SGCZ: variants seen among roughly 807,000 people sequenced by gnomAD.
SGCZ encodes zeta-sarcoglycan.
Under a neutral mutation model 41.3 loss-of-function variants are expected in SGCZ, and 40 were observed. The observed-to-expected ratio is 0.97, with a 90% CI of 0.75 to 1.26. SGCZ has a LOEUF of 1.26. Ranked by LOEUF, SGCZ falls within the 50% of genes most tolerant of loss-of-function variation. The pLI, the probability that SGCZ is intolerant of heterozygous loss-of-function variation, is 0.00. For missense variants in SGCZ, 552 were observed against 369.8 expected (o/e 1.49, Z -4.04); for synonymous variants, 206 against 137.5 (o/e 1.50, Z -3.49).
intron 3 of SGCZ, among the ~76,000 whole-genome samples, chr8:14,268,285 C>A (rs190525545): frequency 2.5e-4 from 38 of 149,332 alleles, no homozygotes; most frequent in African/African-American, 9.0e-4. Context: ...TCCCAGGATA[C>A]ATATACATAT....
chr8:14,944,907 C>T (rs1397027817), intron 1 of SGCZ, among the ~76,000 whole-genome samples: 1 of 152,124 alleles, frequency 6.6e-6, no homozygotes, highest in African/African-American at 2.4e-5. Flanking sequence ...CATTATAACA[C>T]TTCAGACATG....
At chr8:14,847,715 G>A (rs1330707134) in intron 1 of SGCZ, among the ~76,000 whole-genome samples, 1 of 114,382 alleles carries the variant, frequency 8.7e-6, no homozygotes, top group African/African-American at 3.3e-5. Context: ...GGGAGGGGAG[G>A]AGGAAAGGGA....
intron 1 of SGCZ, among the ~76,000 whole-genome samples, chr8:14,567,820 A>G (rs766484615): frequency 2.0e-5 from 3 of 152,132 alleles, no homozygotes; most frequent in Non-Finnish European, 4.4e-5. Context: ...CCACCTTAAG[A>G]GCTGTAACAC....
intron 2 of SGCZ, among the ~76,000 whole-genome samples, chr8:14,522,271 A>G (rs1017168177): frequency 6.6e-6 from 1 of 152,034 alleles, no homozygotes; most frequent in Non-Finnish European, 1.5e-5. Flanking sequence ...CAGGTTAATA[A>G]TAGTGTGTTC....
At chr8:14,141,274 A>C (rs1803361856) in intron 5 of SGCZ, among the ~76,000 whole-genome samples, 1 of 152,240 alleles carries the variant, frequency 6.6e-6, no homozygotes, top group African/African-American at 2.4e-5. Flanking sequence ...CTTCAGGACT[A>C]AAACACCAAA....
chr8:15,004,380 A>G (rs914278331), intron 1 of SGCZ, among the ~76,000 whole-genome samples: 1 of 152,154 alleles, frequency 6.6e-6, no homozygotes, highest in Non-Finnish European at 1.5e-5. Context: ...GGTGGATACT[A>G]GGTGGGGAAA....
At chr8:14,364,367 C>A (rs751500312) in intron 2 of SGCZ, among the ~76,000 whole-genome samples, 3 of 152,012 alleles carry the variant, frequency 2.0e-5, no homozygotes, top group Admixed American at 6.6e-5. Context: ...TTTTCTGGTC[C>A]ACATACATAT....
intron 1 of SGCZ, among the ~76,000 whole-genome samples, chr8:14,710,258 T>A (rs931460059): frequency 6.7e-6 from 1 of 149,992 alleles, no homozygotes; most frequent in East Asian, 2.0e-4. Context: ...TAGTCCCCAC[T>A]ACGCCGGAGG....
chr8:14,941,811 AAT>A (rs1174284095), intron 1 of SGCZ, among the ~76,000 whole-genome samples: 1 of 151,590 alleles, frequency 6.6e-6, no homozygotes, highest in African/African-American at 2.4e-5. Context: ...ATATATATGT[AAT>A]ATATGTTACA....
intron 1 of SGCZ, among the ~76,000 whole-genome samples, chr8:15,073,434 T>G (rs1039916774): frequency 6.6e-6 from 1 of 152,020 alleles, no homozygotes; most frequent in African/African-American, 2.4e-5. Context: ...AATTAATACA[T>G]AAGATTAATG....
intron 1 of SGCZ, among the ~76,000 whole-genome samples, chr8:15,092,557 G>A (rs530568994): frequency 2.6e-5 from 4 of 152,232 alleles, no homozygotes; most frequent in Admixed American, 2.6e-4. Context: ...TGTACAAGGA[G>A]AAAGAAAATA....
intron 1 of SGCZ, among the ~76,000 whole-genome samples, chr8:14,802,292 C>T (rs1289263444): frequency 6.6e-6 from 1 of 152,178 alleles, no homozygotes; most frequent in Non-Finnish European, 1.5e-5. Flanking sequence ...GAATAAATCA[C>T]TAAGCTGCCA....
intron 4 of SGCZ, among the ~76,000 whole-genome samples, chr8:14,204,231 G>C (rs1323140566): frequency 6.6e-6 from 1 of 151,552 alleles, no homozygotes; most frequent in East Asian, 1.9e-4. Context: ...CATATCTGTT[G>C]CTTAGAGATG....
intron 2 of SGCZ, among the ~76,000 whole-genome samples, chr8:14,432,400 C>A (rs930178122): frequency 6.6e-6 from 1 of 152,140 alleles, no homozygotes; most frequent in African/African-American, 2.4e-5. Flanking sequence ...AGACTGGAGA[C>A]TATAACTCTA....
chr8:14,522,210 T>C (rs1415603933), intron 2 of SGCZ, among the ~76,000 whole-genome samples: 5 of 152,016 alleles, frequency 3.3e-5, no homozygotes, highest in East Asian at 1.9e-4. Flanking sequence ...CTATAAGGGA[T>C]ATTGGTTTGT....
chr8:14,398,020 A>T (rs918400774), intron 2 of SGCZ, among the ~76,000 whole-genome samples: 2 of 152,130 alleles, frequency 1.3e-5, no homozygotes, highest in Non-Finnish European at 2.9e-5. Flanking sequence ...TTAATGGTTC[A>T]GACCATCAAC....
In SGCZ at chr8:15,159,454, G is replaced by A. The variant is rs555526837; in HGVS notation, c.39+78131C>T. Among the ~76,000 whole-genome samples the A allele has an allele frequency of 5.9e-3, 899 of 152,244 alleles. 11 individuals carry two copies. The highest frequency in any genetic ancestry group is 0.021 in the African/African-American group (855 of 41,562). ...AGAAGTTCCTGAGGCTTGGGCTTGT[G>A]ACTGGCATCCAAAGCTGGGGAGCAG... is the stretch of plus-strand genomic sequence containing the variant. On this transcript the variant is annotated intron_variant, in intron 1 of 7. Coordinates refer to ENST00000382080, the MANE Select transcript of SGCZ (RefSeq NM_139167.4).
Position 14,552,847 on chromosome 8 carries a change from T to G in SGCZ, c.234+1885A>C, listed in dbSNP as rs950253056. Among the ~76,000 whole-genome samples, 25 of 152,066 alleles carry G rather than the reference T, an allele frequency of 1.6e-4. 1 individual carries two copies. The highest frequency in any genetic ancestry group is 3.5e-4 in the Non-Finnish European group (24 of 68,010). On this transcript the variant is annotated intron_variant, in intron 2 of 7. Coordinates refer to ENST00000382080, the MANE Select transcript of SGCZ (RefSeq NM_139167.4). The stretch of plus-strand genomic sequence containing the variant: ...AATATGCTTGAAAAGCTCACAAGGC[T>G]TGAACCTGAAAATTCCTGGGGTTTA...
At chr8:14,191,608 C>T (rs1805105368) in intron 4 of SGCZ, among the ~76,000 whole-genome samples, 1 of 152,170 alleles carries the variant, frequency 6.6e-6, no homozygotes, top group Non-Finnish European at 1.5e-5. Flanking sequence ...AACTCAAACA[C>T]ACCTGGCTGC....
Sources: gnomAD v4.1 joint callset for allele counts (sites outside exome capture counted in the v4.1 genomes callset) on GRCh38, gnomAD v4.1.1 for gene constraint, MANE v1.5 for transcripts, NCBI Gene and HGNC (gene_info 2026-07-23, HGNC 2026-07-21) for gene names.